Variants in AGBL4 observed in about 807,000 individuals in gnomAD.
AGBL4 encodes the protein cytosolic carboxypeptidase 6.
AGBL4 carries 58 observed loss-of-function variants against 66.4 expected under a neutral mutation model. The ratio of observed to expected loss-of-function variants is 0.87; its 90% CI spans 0.71 to 1.09. The LOEUF is 1.09. Ranked by LOEUF, AGBL4 falls within the 50% of genes least tolerant of loss-of-function variation. The pLI is 0.00. For missense variants in AGBL4, 579 were observed against 631.0 expected, an observed-to-expected ratio of 0.92 and a Z score of 0.88; for synonymous variants, 234 against 222.9, an observed-to-expected ratio of 1.05 and a Z score of -0.44.
At chr1:49,774,417 C>T (rs1263518754) in intron 2 of AGBL4, among the ~76,000 whole-genome samples, 1 of 152,140 alleles carries the variant, frequency 6.6e-6, no homozygotes, top group Non-Finnish European at 1.5e-5. Flanking sequence ...TGGTGCTCTC[C>T]AGAACACTTA....
chr1:49,269,309 T>C (rs755904594), intron 3 of AGBL4: 1 of 152,206 alleles, frequency 6.6e-6, no homozygotes, highest in African/African-American at 2.4e-5. Context: ...CACTGGTTTT[T>C]GGTGCTTTGT....
chr1:49,643,749 C>G (rs1035028445), intron 3 of AGBL4, among the ~76,000 whole-genome samples: 1 of 151,538 alleles, frequency 6.6e-6, no homozygotes, highest in African/African-American at 2.4e-5. Flanking sequence ...TACTAAATAT[C>G]TTTGTAAAAG....
At chr1:49,684,999 C>A (rs911017951) in intron 3 of AGBL4, among the ~76,000 whole-genome samples, 93 of 152,150 alleles carry the variant, frequency 6.1e-4, no homozygotes, top group African/African-American at 1.8e-3. Flanking sequence ...CAAATTATTT[C>A]ATCAGGTAAG....
At chr1:49,660,201 C>T (rs1380801430) in intron 3 of AGBL4, among the ~76,000 whole-genome samples, 1 of 152,036 alleles carries the variant, frequency 6.6e-6, no homozygotes, top group Non-Finnish European at 1.5e-5. Flanking sequence ...TTCAATCTAT[C>T]CTTCTGACAA....
chr1:49,834,174 G>C (rs1645780862), intron 2 of AGBL4, among the ~76,000 whole-genome samples: 1 of 152,120 alleles, frequency 6.6e-6, no homozygotes, highest in Non-Finnish European at 1.5e-5. Flanking sequence ...GCTACTCTTT[G>C]TACCTCTGGT....
intron 5 of AGBL4, among the ~76,000 whole-genome samples, chr1:48,891,549 T>C (rs192681732): frequency 1.3e-5 from 2 of 152,312 alleles, no homozygotes; most frequent in East Asian, 3.9e-4. Context: ...CTTGTTGCTA[T>C]CTTAGGAACC....
chr1:49,187,098 T>TA (rs1312192803), intron 4 of AGBL4: 2 of 152,170 alleles, frequency 1.3e-5, no homozygotes, highest in Admixed American at 1.3e-4. Context: ...GATTCAGAAT[T>TA]AAGTACAAAG....
intron 3 of AGBL4, among the ~76,000 whole-genome samples, chr1:49,410,453 T>G (rs2148626177): frequency 6.6e-6 from 1 of 151,986 alleles, no homozygotes; most frequent in South Asian, 2.1e-4. Flanking sequence ...TCAGCAGGGG[T>G]TGTGGAAGGG....
At chr1:50,020,720 C>T (rs1166551898) in intron 1 of AGBL4, among the ~76,000 whole-genome samples, 3 of 152,122 alleles carry the variant, frequency 2.0e-5, no homozygotes, top group Non-Finnish European at 2.9e-5. Context: ...TCAACTTCTC[C>T]GTGCCAAAAC....
intron 4 of AGBL4, among the ~76,000 whole-genome samples, chr1:49,170,221 A>G (rs1646710164): frequency 1.4e-5 from 2 of 146,824 alleles, no homozygotes; most frequent in African/African-American, 4.9e-5. Context: ...ATATTCATAT[A>G]AATATGTTAT....
chr1:50,015,515 T>C (rs1205282355), intron 1 of AGBL4, among the ~76,000 whole-genome samples: 2 of 152,160 alleles, frequency 1.3e-5, no homozygotes, highest in Admixed American at 1.3e-4. Context: ...AAATTAGCTA[T>C]GCGTGGTGGC....
At chr1:49,613,592 A>G (rs1645196036) in intron 3 of AGBL4, among the ~76,000 whole-genome samples, 1 of 152,308 alleles carries the variant, frequency 6.6e-6, no homozygotes, top group African/African-American at 2.4e-5. Context: ...TGTGAGCTGC[A>G]TGTGCAGGGG....
intron 5 of AGBL4, among the ~76,000 whole-genome samples, chr1:48,994,937 G>T (rs899795191): frequency 6.6e-6 from 1 of 151,992 alleles, no homozygotes; most frequent in Non-Finnish European, 1.5e-5. Context: ...GAAAATAAGA[G>T]GATTATCTTG....
intron 4 of AGBL4, among the ~76,000 whole-genome samples, chr1:49,213,250 G>A (rs1648810506): frequency 6.6e-6 from 1 of 152,072 alleles, no homozygotes. Context: ...ATTTATCTTA[G>A]GCTTACCTTT....
intron 3 of AGBL4, among the ~76,000 whole-genome samples, chr1:49,409,864 C>T (rs1285512951): frequency 6.6e-6 from 1 of 152,162 alleles, no homozygotes; most frequent in African/African-American, 2.4e-5. Flanking sequence ...AATTCCCTAA[C>T]TGAAGATCAT....
chr1:49,764,270 A>T (rs560591169), intron 2 of AGBL4, among the ~76,000 whole-genome samples: 1 of 151,970 alleles, frequency 6.6e-6, no homozygotes, highest in Non-Finnish European at 1.5e-5. Flanking sequence ...CATGCCATGT[A>T]CCCCACAGCC....
chr1:48,930,483 T>A (rs1197069152), intron 5 of AGBL4, among the ~76,000 whole-genome samples: 1 of 152,144 alleles, frequency 6.6e-6, no homozygotes, highest in Non-Finnish European at 1.5e-5. Context: ...AATAGCAACC[T>A]AGATAGCCAA....
At chr1:49,656,050 G>C (rs549685190) in intron 3 of AGBL4, among the ~76,000 whole-genome samples, 2 of 152,174 alleles carry the variant, frequency 1.3e-5, no homozygotes, top group African/African-American at 4.8e-5. Context: ...GGGAGGCTGA[G>C]GCAGGAGAAT....
At chr1:48,722,957 T>A (rs1182141346) in intron 6 of AGBL4, among the ~76,000 whole-genome samples, 6 of 152,184 alleles carry the variant, frequency 3.9e-5, no homozygotes, top group African/African-American at 1.4e-4. Context: ...CATAATCCTG[T>A]GAGATAGATA....
Sources: allele counts gnomAD v4.1 joint callset (sites outside exome capture counted in the v4.1 genomes callset), GRCh38; gene constraint gnomAD v4.1.1; transcripts MANE v1.5; gene names NCBI Gene and HGNC (gene_info 2026-07-23, HGNC 2026-07-21).